SYT16: variants seen among roughly 807,000 people sequenced by gnomAD.
SYT16 encodes the protein synaptotagmin 16.
A neutral mutation model predicts 61.4 loss-of-function variants in SYT16; 42 were observed. The observed-to-expected ratio is 0.68, with a 90% confidence interval of 0.53 to 0.89. The LOEUF (loss-of-function observed/expected upper bound fraction) is 0.89, where lower values mean the gene tolerates loss of function less well. Among genes scored for constraint, SYT16 ranks in the 40% least tolerant of loss-of-function variants. The probability of loss-of-function intolerance (pLI) is 0.00; values close to 1 mark genes in which losing one functional copy is unlikely to be tolerated. For missense variants in SYT16, 804 were observed against 807.3 expected, an observed-to-expected ratio of 1.00 and a Z score of 0.05; for synonymous variants, 314 against 302.3, an observed-to-expected ratio of 1.04 and a Z score of -0.40.
intron 5 of SYT16, chr14:62,077,754 G>A (rs2056547546): frequency 6.6e-6 from 1 of 152,180 alleles, no homozygotes; most frequent in South Asian, 2.1e-4. Flanking sequence ...TCAACCCAGG[G>A]AGGGGCTACA....
At chr14:62,007,938 T>C (rs900992167) in intron 3 of SYT16, among the ~76,000 whole-genome samples, 1 of 152,052 alleles carries the variant, frequency 6.6e-6, no homozygotes, top group Non-Finnish European at 1.5e-5. Flanking sequence ...TCAGAAGTTT[T>C]CCTTGCCCTA....
At chr14:62,017,373 A>G (rs556437195) in intron 3 of SYT16, among the ~76,000 whole-genome samples, 1 of 152,282 alleles carries the variant, frequency 6.6e-6, no homozygotes, top group East Asian at 1.9e-4. Flanking sequence ...TCTCATTCAC[A>G]TGCTGACAAA....
intron 1 of SYT16, among the ~76,000 whole-genome samples, chr14:61,906,696 A>ACCAT (rs775031800): frequency 7.3e-6 from 1 of 137,074 alleles, no homozygotes; most frequent in African/African-American, 2.6e-5. Flanking sequence ...CTCAAGATGT[A>ACCAT]CCATCCATCC....
At chr14:61,978,154 A>G (rs1208378584) in intron 2 of SYT16, among the ~76,000 whole-genome samples, 4 of 152,050 alleles carry the variant, frequency 2.6e-5, no homozygotes, top group Non-Finnish European at 5.9e-5. Flanking sequence ...CTTTTTTCAA[A>G]TAATATAACA....
rs1187178415 is a variant in SYT16, at chr14:62,081,026, C to G, written c.1186C>G (p.Pro396Ala). 1.2e-6 allele frequency: 2 copies of G among 1,613,456 alleles called. No homozygotes were observed. The highest frequency in any genetic ancestry group is 1.7e-6 in the Non-Finnish European group (2 of 1,179,654). ...CTGGCAAGTTCATGTAGTGCTGCTG[C>G]CTGGTAAGAAACACAGGGGCAGGAC... is the stretch of plus-strand genomic sequence containing the variant. ...NSWQVHVVLL[P>A]GKKHRGRTNI... The change falls in exon 6 of 8, where the codon CCT becomes GCT. Residue 396 changes from proline to alanine, a missense_variant. Transcript: ENST00000683842.
chr14:61,906,767 A>G (rs1436520433), intron 1 of SYT16, among the ~76,000 whole-genome samples: 26 of 115,740 alleles, frequency 2.2e-4, no homozygotes, highest in African/African-American at 6.5e-4. Flanking sequence ...CCGTCCGTCA[A>G]TCCATCCATC....
chr14:62,055,571 C>G (rs745820190), intron 3 of SYT16, among the ~76,000 whole-genome samples: 1 of 152,160 alleles, frequency 6.6e-6, no homozygotes, highest in Non-Finnish European at 1.5e-5. Flanking sequence ...CATGGCTCTT[C>G]TTTTATCTTT....
At chr14:62,052,868 C>T (rs900775514) in intron 3 of SYT16, among the ~76,000 whole-genome samples, 10 of 152,172 alleles carry the variant, frequency 6.6e-5, no homozygotes, top group African/African-American at 2.4e-4. Context: ...AGATTTCTAG[C>T]CTCAAGAACT....
chr14:61,906,624 T>C (rs1282098345), intron 1 of SYT16, among the ~76,000 whole-genome samples: 1 of 152,204 alleles, frequency 6.6e-6, no homozygotes, highest in Admixed American at 6.5e-5. Context: ...AGTTTTAGTT[T>C]CTTCTTGCTC....
intron 1 of SYT16, among the ~76,000 whole-genome samples, chr14:61,894,135 A>C (rs1161222094): frequency 6.6e-6 from 1 of 152,084 alleles, no homozygotes; most frequent in Non-Finnish European, 1.5e-5. Context: ...AATACAAAAA[A>C]TTAGCCGGGC....
intron 1 of SYT16, among the ~76,000 whole-genome samples, chr14:61,967,455 G>A (rs911136195): frequency 6.6e-6 from 1 of 152,160 alleles, no homozygotes; most frequent in African/African-American, 2.4e-5. Context: ...TCAAAATCAA[G>A]GTGTTGGCAG....
At chr14:61,893,653 A>G (rs1488510474) in intron 1 of SYT16, among the ~76,000 whole-genome samples, 2 of 152,238 alleles carry the variant, frequency 1.3e-5, no homozygotes, top group East Asian at 3.8e-4. Context: ...TCAGCAAATC[A>G]GTGGTACATC....
chr14:61,981,620 C>A (rs2052080720), intron 2 of SYT16, among the ~76,000 whole-genome samples: 1 of 152,156 alleles, frequency 6.6e-6, no homozygotes, highest in Admixed American at 6.6e-5. Context: ...AAATCTCCAT[C>A]CTGTACTGTT....
chr14:62,099,159 CTTTG>C lies in SYT16; in HGVS notation c.1625-1229_1625-1226del, dbSNP rs544479549. ...TGAGACTAGTGGGAAGTATTGAAGA[CTTTG>C]TTTGTGTTTATTAGTGAGAGTGACA... On this transcript the variant is annotated intron_variant, in intron 7 of 7. Transcript: ENST00000683842. Among the ~76,000 whole-genome samples the C allele has an allele frequency of 7.1e-4, 108 of 152,236 alleles. 1 individual carries two copies. Among genetic ancestry groups the C allele is most frequent in the African/African-American group, 2.5e-3 (103 of 41,560 alleles).
chr14:61,927,182 G>C (rs1363703925), intron 1 of SYT16, among the ~76,000 whole-genome samples: 1 of 152,154 alleles, frequency 6.6e-6, no homozygotes, highest in Non-Finnish European at 1.5e-5. Flanking sequence ...TGACCCTCTT[G>C]GTTTTAAATT....
chr14:62,028,663 G>C (rs1263737466), intron 3 of SYT16, among the ~76,000 whole-genome samples: 1 of 152,108 alleles, frequency 6.6e-6, no homozygotes, highest in Non-Finnish European at 1.5e-5. Flanking sequence ...AGGAGAACAG[G>C]TTTATGACTG....
At position 62,021,473 on chromosome 14, in the gene SYT16, AT is replaced by A. The variant is rs202097591; in HGVS notation, c.523+24940del. 3.6e-3 allele frequency among the ~76,000 whole-genome samples: 469 copies of A among 130,548 alleles called. 3 individuals are homozygous for A. Among genetic ancestry groups the A allele is most frequent in the African/African-American group, 0.012 (419 of 36,298 alleles). The allele number at this position is 130,548 out of a possible 152,430, so 85.6% of individuals were successfully genotyped here. On this transcript the variant is annotated intron_variant, in intron 3 of 7. Coordinates refer to ENST00000683842, the MANE Select transcript of SYT16 (RefSeq NM_001367656.1). ...GAGGTTATTTTATTTTATTATTATT[AT>A]TTTTTTTTCGGTTGTTGTTTTTTTC... is the stretch of plus-strand genomic sequence containing the variant.
At chr14:61,898,399 G>A (rs1032868548) in intron 1 of SYT16, among the ~76,000 whole-genome samples, 7 of 152,180 alleles carry the variant, frequency 4.6e-5, no homozygotes, top group East Asian at 3.9e-4. Context: ...CAAGTTGAGC[G>A]TTGGGGTTGT....
intron 3 of SYT16, among the ~76,000 whole-genome samples, chr14:62,005,528 G>C (rs1275729980): frequency 6.6e-6 from 1 of 152,120 alleles, no homozygotes; most frequent in Non-Finnish European, 1.5e-5. Context: ...AGAGGGAAAA[G>C]TATGCTCCCT....
Sources: gnomAD v4.1 joint callset for allele counts (sites outside exome capture counted in the v4.1 genomes callset) on GRCh38, gnomAD v4.1.1 for gene constraint, MANE v1.5 for transcripts, NCBI Gene and HGNC (gene_info 2026-07-23, HGNC 2026-07-21) for gene names.